RBPJ: variants seen among roughly 807,000 people sequenced by gnomAD.
The protein encoded by RBPJ is recombining binding protein suppressor of hairless.
RBPJ carries 9 observed loss-of-function variants against 67.8 expected under a neutral mutation model. The ratio of observed to expected loss-of-function variants is 0.13; its 90% CI spans 0.08 to 0.23. RBPJ has a LOEUF of 0.23. RBPJ is among the 10% of genes least tolerant of loss of function. The pLI is 1.00. For synonymous variants in RBPJ, 198 were observed against 203.3 expected, an observed-to-expected ratio of 0.97 and a Z score of 0.22; for missense variants, 305 against 595.6, an observed-to-expected ratio of 0.51 and a Z score of 5.08.
chr4:26,425,166 G>C (rs1371554565), intron 7 of RBPJ, among the ~76,000 whole-genome samples: 3 of 152,142 alleles, frequency 2.0e-5, no homozygotes, highest in African/African-American at 7.2e-5. Context: ...TATTTCTTTT[G>C]AAATATAAGC....
chr4:26,159,632 C>G (rs1716040719), upstream of RBPJ, among the ~76,000 whole-genome samples: 1 of 152,214 alleles, frequency 6.6e-6, no homozygotes, highest in South Asian at 2.1e-4. Flanking sequence ...TTAGAACCTT[C>G]AGCGTGTTTA....
In RBPJ at chr4:26,415,506, A is replaced by T; in HGVS notation, c.187A>T (p.Met63Leu). The T allele has an allele frequency of 6.2e-7, 1 of 1,609,330 alleles. No individual in the cohort carries two copies. The highest frequency in any genetic ancestry group is 1.7e-5 in the Admixed American group (1 of 59,296). Residue 63 changes from methionine (M) to leucine (L), a missense_variant, in exon 4 of 11, where the codon ATG becomes TTG. Physicochemically the swap from Met to Leu is conservative, Grantham distance 15. Coordinates refer to ENST00000355476, the MANE Select transcript of RBPJ (RefSeq NM_015874.6). ...TTGCCCACCTCCTTGTGTATATCTTATGGGCAGTGGATGGAAGAAAAAAAA... is the reference window on the plus strand; with the variant it reads ...TTGCCCACCTCCTTGTGTATATCTTTTGGGCAGTGGATGGAAGAAAAAAAA... ...FFCPPPCVYL[M>L]GSGWKKKKEQ...
upstream of RBPJ, among the ~76,000 whole-genome samples, chr4:26,315,144 CAAAA>C (rs60940172): frequency 8.7e-4 from 9 of 10,346 alleles, no homozygotes; most frequent in South Asian, 2.9e-3. Flanking sequence ...GTCTCTGTCT[CAAAA>C]AAAAAAAAAA....
In RBPJ at chr4:26,198,211, G is replaced by A. The variant is rs1467932547; in HGVS notation, c.-167+34597G>A. Among the ~76,000 whole-genome samples the A allele has an allele frequency of 7.9e-5, 12 of 152,106 alleles. No individual in the cohort carries two copies. In the South Asian group the frequency reaches 1.5e-3, roughly 18 times the overall value. The stretch of plus-strand genomic sequence containing the variant: ...GGAGGTTGCGGTGAGCTGAGATCGC[G>A]CCATTGCACTCCAGCTTGGGCAACA... On this transcript the variant is annotated intron_variant, in intron 1 of 4. Coordinates refer to the RBPJ transcript ENST00000512351.
the RBPJ span, among the ~76,000 whole-genome samples, chr4:26,129,582 G>A: frequency 6.6e-6 from 1 of 152,156 alleles, no homozygotes; most frequent in African/African-American, 2.4e-5. Flanking sequence ...AAACCAATGA[G>A]TTTTTATGAA....
At chr4:26,208,973 A>C (rs890537471) in intron 1 of RBPJ, among the ~76,000 whole-genome samples, 3 of 152,176 alleles carry the variant, frequency 2.0e-5, no homozygotes, top group Non-Finnish European at 4.4e-5. Flanking sequence ...TAGCTTCTGC[A>C]GAAGTATTTG....
intron 1 of RBPJ, among the ~76,000 whole-genome samples, chr4:26,303,307 A>G (rs977044663): frequency 1.4e-5 from 2 of 147,352 alleles, no homozygotes; most frequent in African/African-American, 4.9e-5. Flanking sequence ...TCTTTATGAA[A>G]TATATATAAT....
intron 1 of RBPJ, among the ~76,000 whole-genome samples, chr4:26,172,977 G>T (rs1250744504): frequency 6.6e-6 from 1 of 152,166 alleles, no homozygotes; most frequent in Non-Finnish European, 1.5e-5. Context: ...TCGTTCACAG[G>T]TTAGCAAGAA....
chr4:26,238,131 A>T (rs1266436941), intron 1 of RBPJ, among the ~76,000 whole-genome samples: 1 of 152,192 alleles, frequency 6.6e-6, no homozygotes, highest in African/African-American at 2.4e-5. Context: ...ACACAATCAC[A>T]GATCACTACA....
intron 1 of RBPJ, among the ~76,000 whole-genome samples, chr4:26,254,494 C>A (rs1463498617): frequency 6.7e-6 from 1 of 148,574 alleles, no homozygotes; most frequent in Non-Finnish European, 1.5e-5. Flanking sequence ...CTTTCATGGC[C>A]CTTGGCTAAC....
intron 2 of RBPJ, among the ~76,000 whole-genome samples, chr4:26,386,609 T>G (rs1730943809): frequency 6.6e-6 from 1 of 152,146 alleles, no homozygotes; most frequent in Admixed American, 6.6e-5. Context: ...ATGAAACCTT[T>G]CTTAGAATTA....
intron 1 of RBPJ, among the ~76,000 whole-genome samples, chr4:26,329,774 G>C (rs920052742): frequency 1.3e-5 from 2 of 151,996 alleles, no homozygotes; most frequent in African/African-American, 4.8e-5. Flanking sequence ...GGCGCCTGTA[G>C]TCACAGCTAC....
rs113547409 is a variant in RBPJ, at chr4:26,293,310, C to CT, written c.-166-69125dup. Reference sequence around the variant, plus strand: ...TCTGGAAGGTGGTGCCCTCAGCTTCCTTTTTTTTTTTATTTTGTTTATTGC... The same window carrying CT: ...TCTGGAAGGTGGTGCCCTCAGCTTCCTTTTTTTTTTTTATTTTGTTTATTGC... On this transcript the variant is annotated intron_variant, in intron 1 of 4. Transcript: ENST00000512351. Among the ~76,000 whole-genome samples, 100 of 144,464 alleles carry CT rather than the reference C, an allele frequency of 6.9e-4. 2 individuals are homozygous for CT. The highest frequency in any genetic ancestry group is 7.3e-3 in the Middle Eastern group (2 of 274). The allele number at this position is 144,464 out of a possible 152,430, so 94.8% of individuals were successfully genotyped here.
At chr4:26,366,366 TA>T (rs553241814) in intron 1 of RBPJ, among the ~76,000 whole-genome samples, 4 of 152,192 alleles carry the variant, frequency 2.6e-5, no homozygotes, top group Non-Finnish European at 5.9e-5. Context: ...TTTTTGTTGC[TA>T]TATTGTTTTG....
At chr4:26,244,512 CAT>C (rs934727380) in intron 1 of RBPJ, among the ~76,000 whole-genome samples, 1 of 144,108 alleles carries the variant, frequency 6.9e-6, no homozygotes, top group Non-Finnish European at 1.5e-5. Flanking sequence ...TATATGTATA[CAT>C]ATATGTGTAT....
At chr4:26,304,317 G>C (rs1250873411) in intron 1 of RBPJ, among the ~76,000 whole-genome samples, 1 of 152,170 alleles carries the variant, frequency 6.6e-6, no homozygotes, top group South Asian at 2.1e-4. Flanking sequence ...GAACATTTAT[G>C]TTTCTGTATG....
At chr4:26,374,004 C>T (rs182055413) in intron 1 of RBPJ, among the ~76,000 whole-genome samples, 2 of 150,802 alleles carry the variant, frequency 1.3e-5, no homozygotes, top group Non-Finnish European at 2.9e-5. Context: ...CTGCAGCCTC[C>T]GCCTCCTGGG....
At chr4:26,414,735 A>G (rs1345724660) in intron 3 of RBPJ, among the ~76,000 whole-genome samples, 1 of 152,222 alleles carries the variant, frequency 6.6e-6, no homozygotes, top group East Asian at 1.9e-4. Flanking sequence ...TTATAAGAAA[A>G]TCATTCTCAG....
intron 1 of RBPJ, among the ~76,000 whole-genome samples, chr4:26,334,376 C>G (rs1182369147): frequency 6.7e-6 from 1 of 148,290 alleles, no homozygotes; most frequent in Non-Finnish European, 1.5e-5. Context: ...TTTTTTTTTT[C>G]TAATATTCCT....
Sources: allele counts gnomAD v4.1 joint callset (sites outside exome capture counted in the v4.1 genomes callset), GRCh38; gene constraint gnomAD v4.1.1; transcripts MANE v1.5; gene names NCBI Gene and HGNC (gene_info 2026-07-23, HGNC 2026-07-21).